Variants in ADK observed in about 807,000 individuals in gnomAD.
ADK encodes N6,N6-dimethyladenosine kinase.
A neutral mutation model predicts 44.7 loss-of-function variants in ADK; 24 were observed. That is an observed-to-expected ratio of 0.54 (90% CI 0.39 to 0.76). ADK has a LOEUF of 0.76. Ranked by LOEUF, ADK falls within the 30% of genes least tolerant of loss-of-function variation. The pLI is 0.00. For synonymous variants in ADK, 128 were observed against 142.6 expected (o/e 0.90, Z 0.73); for missense variants, 321 against 425.1 (o/e 0.76, Z 2.15).
intron 9 of ADK, among the ~76,000 whole-genome samples, chr10:74,604,848 C>A (rs1390105764): frequency 6.6e-6 from 1 of 152,110 alleles, no homozygotes; most frequent in Admixed American, 6.6e-5. Context: ...GGTAGTATGA[C>A]CATTTTCACG....
chr10:74,444,965 C>A (rs1845545482), intron 6 of ADK, among the ~76,000 whole-genome samples: 1 of 151,854 alleles, frequency 6.6e-6, no homozygotes, highest in African/African-American at 2.4e-5. Flanking sequence ...AGAAAAGAAG[C>A]AGTAAGAAGG....
intron 7 of ADK, among the ~76,000 whole-genome samples, chr10:74,573,506 G>C (rs1007167509): frequency 3.3e-5 from 5 of 152,204 alleles, no homozygotes; most frequent in Non-Finnish European, 5.9e-5. Flanking sequence ...CTCCATCTGC[G>C]TGCTGGGAGA....
In ADK at chr10:74,365,113, T is replaced by G. The variant is rs111556221; in HGVS notation, c.274-29028T>G. ...AACAGCCTTATCATTAAGAAAACTT[T>G]TAAACTGATTTAAAATTTATATAAT... On this transcript the variant is annotated intron_variant, in intron 4 of 10. Coordinates refer to ENST00000539909, the MANE Select transcript of ADK (RefSeq NM_006721.4). 5.0e-3 allele frequency among the ~76,000 whole-genome samples: 758 copies of G among 152,330 alleles called. 12 individuals are homozygous for G. The highest frequency in any genetic ancestry group is 0.017 in the African/African-American group (707 of 41,576).
At chr10:74,454,774 G>C (rs55853157) in intron 6 of ADK, among the ~76,000 whole-genome samples, 4,797 of 152,260 alleles carry the variant, frequency 0.032, 279 homozygotes, top group African/African-American at 0.11. Flanking sequence ...AGGTTCAATG[G>C]TGAAATGATA....
chr10:74,303,893 C>T (rs1280988761), intron 3 of ADK, among the ~76,000 whole-genome samples: 6 of 150,988 alleles, frequency 4.0e-5, no homozygotes, highest in African/African-American at 7.3e-5. Context: ...CGCTTGAACC[C>T]GGGAGGTGGA....
chr10:74,572,609 G>C (rs1264143449), intron 7 of ADK, among the ~76,000 whole-genome samples: 1 of 152,132 alleles, frequency 6.6e-6, no homozygotes, highest in Non-Finnish European at 1.5e-5. Flanking sequence ...TTCCAACTTG[G>C]TTCCATTCTC....
At chr10:74,552,742 T>C (rs1850079209) in intron 7 of ADK, among the ~76,000 whole-genome samples, 2 of 151,678 alleles carry the variant, frequency 1.3e-5, no homozygotes, top group South Asian at 4.2e-4. Flanking sequence ...AATAGACAAA[T>C]AGCATAATTT....
chr10:74,293,082 A>G (rs1448404979), intron 3 of ADK, among the ~76,000 whole-genome samples: 1 of 145,288 alleles, frequency 6.9e-6, no homozygotes, highest in Non-Finnish European at 1.5e-5. Flanking sequence ...AGGAAGATTG[A>G]TTGAACCTGG....
intron 6 of ADK, among the ~76,000 whole-genome samples, chr10:74,456,417 G>A (rs1174954508): frequency 6.6e-6 from 1 of 152,066 alleles, no homozygotes. Flanking sequence ...GTTCACGCCT[G>A]TAATCCCAGC....
chr10:74,327,112 C>T (rs894537688), intron 4 of ADK, among the ~76,000 whole-genome samples: 3 of 151,994 alleles, frequency 2.0e-5, no homozygotes, highest in Admixed American at 6.5e-5. Flanking sequence ...TCCCTTGAGG[C>T]GCAACATTAG....
At chr10:74,293,725 A>G (rs1385690779) in intron 3 of ADK, among the ~76,000 whole-genome samples, 1 of 152,168 alleles carries the variant, frequency 6.6e-6, no homozygotes, top group African/African-American at 2.4e-5. Context: ...AAATTTTTAT[A>G]TTATTTTCAT....
chr10:74,395,565 A>G (rs534214703), intron 5 of ADK, among the ~76,000 whole-genome samples: 1 of 152,296 alleles, frequency 6.6e-6, no homozygotes, highest in South Asian at 2.1e-4. Flanking sequence ...ATGTTGAAAT[A>G]TGTTTGTTTA....
intron 2 of ADK, among the ~76,000 whole-genome samples, chr10:74,216,375 T>G (rs2132211404): frequency 6.6e-6 from 1 of 152,228 alleles, no homozygotes; most frequent in East Asian, 1.9e-4. Context: ...TTTTTTCTCC[T>G]TCTCTGCCTT....
intron 10 of ADK, among the ~76,000 whole-genome samples, chr10:74,707,368 G>A (rs187905752): frequency 3.7e-4 from 57 of 152,162 alleles, no homozygotes; most frequent in Middle Eastern, 3.4e-3. Flanking sequence ...TTCATTGCTC[G>A]TATGTATAAT....
intron 4 of ADK, among the ~76,000 whole-genome samples, chr10:74,323,620 G>A (rs11000991): frequency 0.13 from 19,427 of 150,662 alleles, 1,312 homozygotes; most frequent in Middle Eastern, 0.17. Flanking sequence ...GTCCAGGCTG[G>A]AGTGCAGTGG....
At chr10:74,571,986 G>A (rs1460577959) in intron 7 of ADK, among the ~76,000 whole-genome samples, 10 of 152,094 alleles carry the variant, frequency 6.6e-5, no homozygotes, top group East Asian at 1.9e-4. Flanking sequence ...TTTAATTGGA[G>A]CATTTAGCCC....
At chr10:74,236,906 T>A (rs906589763) in intron 3 of ADK, among the ~76,000 whole-genome samples, 2 of 152,208 alleles carry the variant, frequency 1.3e-5, no homozygotes, top group Non-Finnish European at 2.9e-5. Context: ...AAAAATACTT[T>A]ATGGATGAAA....
At chr10:74,459,464 C>A (rs1846080468) in intron 6 of ADK, among the ~76,000 whole-genome samples, 1 of 151,764 alleles carries the variant, frequency 6.6e-6, no homozygotes, top group Non-Finnish European at 1.5e-5. Context: ...GGTGCGGTGG[C>A]TCATGTCTGT....
rs376711180 is a variant in ADK, at chr10:74,176,594, G to A, written c.66-24170G>A. 2.2e-6 allele frequency: 3 copies of A among 1,376,866 alleles called. No homozygotes were observed. The South Asian group carries it at 4.9e-5, about 22-fold the overall frequency. The allele number at this position is 1,376,866 out of a possible 1,614,324, so 85.3% of individuals were successfully genotyped here. A position where few individuals can be genotyped will look rare whatever the true frequency, so the allele number is the denominator to read the frequency against. ...GGCCACCGCGCCCGCTAGTCATCTC[G>A]CTAGCCCGCGCGCCAGTGAGCTGGC... On this transcript the variant is annotated intron_variant, in intron 1 of 10. Transcript: ENST00000539909.
Sources: gnomAD v4.1 joint callset for allele counts (sites outside exome capture counted in the v4.1 genomes callset) on GRCh38, gnomAD v4.1.1 for gene constraint, MANE v1.5 for transcripts, NCBI Gene and HGNC (gene_info 2026-07-23, HGNC 2026-07-21) for gene names.